The following DLGAP1 variants were observed in gnomAD, a reference collection of about 807,000 sequenced individuals.
DLGAP1 encodes disks large-associated protein 1.
In DLGAP1, 11 loss-of-function variants were observed where a neutral mutation model predicts 90.8. The ratio of observed to expected loss-of-function variants is 0.12; its 90% CI spans 0.08 to 0.20. The LOEUF is 0.20. DLGAP1 is among the 10% of genes least tolerant of loss of function. The pLI is 1.00. For synonymous variants in DLGAP1, 558 were observed against 540.7 expected (o/e 1.03, Z -0.44); for missense variants, 1,050 against 1,333.8 (o/e 0.79, Z 3.31).
intron 1 of DLGAP1, among the ~76,000 whole-genome samples, chr18:4,409,274 TTTTA>T (rs2082727100): frequency 6.6e-6 from 1 of 152,170 alleles, no homozygotes; most frequent in African/African-American, 2.4e-5. Context: ...CAGTTAATTT[TTTTA>T]TTTATTTCCC....
rs189436423 is a variant in DLGAP1 at position 4,227,775 on chromosome 18, A to T, written c.-266-76488T>A. Among the ~76,000 whole-genome samples the T allele has an allele frequency of 2.0e-4, 31 of 151,832 alleles. 1 individual carries two copies. The East Asian group carries it at 6.0e-3, about 29-fold the overall frequency. ...AAACTTCAAATAAAAAAAAAAACTA[A>T]TGGTGCATCTTAAAGAATCAGACAA... is the stretch of plus-strand genomic sequence containing the variant. On this transcript the variant is annotated intron_variant, in intron 1 of 12. Transcript: ENST00000315677.
chr18:3,801,934 T>A (rs2066313968), intron 5 of DLGAP1, among the ~76,000 whole-genome samples: 1 of 152,136 alleles, frequency 6.6e-6, no homozygotes, highest in Non-Finnish European at 1.5e-5. Context: ...TGTAATTGGC[T>A]TTTTGACTCC....
intron 1 of DLGAP1, among the ~76,000 whole-genome samples, chr18:4,351,774 G>T (rs561365741): frequency 8.0e-4 from 122 of 152,250 alleles, no homozygotes; most frequent in African/African-American, 2.3e-3. Flanking sequence ...ATTAATCAAA[G>T]ACATACTAGG....
chr18:3,936,154 T>C (rs1372519342), intron 3 of DLGAP1, among the ~76,000 whole-genome samples: 1 of 152,174 alleles, frequency 6.6e-6, no homozygotes, highest in Non-Finnish European at 1.5e-5. Context: ...TACTACTCTT[T>C]CTTTGCAAGC....
intron 7 of DLGAP1, among the ~76,000 whole-genome samples, chr18:3,645,851 T>C: frequency 6.6e-6 from 1 of 152,190 alleles, no homozygotes; most frequent in East Asian, 1.9e-4. Flanking sequence ...TTATTAACTT[T>C]ATTCATGAGT....
intron 2 of DLGAP1, among the ~76,000 whole-genome samples, chr18:4,092,168 G>C (rs1395691925): frequency 6.6e-6 from 1 of 152,060 alleles, no homozygotes; most frequent in Non-Finnish European, 1.5e-5. Flanking sequence ...ATCAAAGGGC[G>C]TGTCTCAATG....
At chr18:3,531,797 T>TA (rs941314658) in intron 10 of DLGAP1, among the ~76,000 whole-genome samples, 10 of 152,020 alleles carry the variant, frequency 6.6e-5, no homozygotes, top group Admixed American at 1.3e-4. Context: ...ATTATACATA[T>TA]AAAAAATGTT....
chr18:4,151,498 A>G (rs1463315154), intron 1 of DLGAP1, among the ~76,000 whole-genome samples: 2 of 152,240 alleles, frequency 1.3e-5, no homozygotes, highest in Admixed American at 1.3e-4. Context: ...TCACCCAGAA[A>G]AAAAACAATG....
chr18:3,576,693 T>C (rs62084018), intron 8 of DLGAP1, among the ~76,000 whole-genome samples: 42,264 of 150,622 alleles, frequency 0.28, 7,298 homozygotes, highest in Non-Finnish European at 0.38. Flanking sequence ...GCCTCCCGAG[T>C]AGCTGGAATT....
chr18:4,194,272 C>A (rs558479655), intron 1 of DLGAP1, among the ~76,000 whole-genome samples: 1 of 152,198 alleles, frequency 6.6e-6, no homozygotes, highest in South Asian at 2.1e-4. Flanking sequence ...GGTTTCTGTT[C>A]CTGCGTTAAT....
intron 7 of DLGAP1, among the ~76,000 whole-genome samples, chr18:3,606,322 A>G (rs1427941137): frequency 6.6e-6 from 1 of 152,152 alleles, no homozygotes; most frequent in Non-Finnish European, 1.5e-5. Flanking sequence ...CCCTGCCAGA[A>G]CCACACTAAA....
intron 1 of DLGAP1, among the ~76,000 whole-genome samples, chr18:4,221,784 A>G (rs1004177205): frequency 6.6e-6 from 1 of 152,072 alleles, no homozygotes; most frequent in Non-Finnish European, 1.5e-5. Context: ...CCTCCCCATT[A>G]CTACTCAACC....
At chr18:4,182,179 G>C (rs959574625) in intron 1 of DLGAP1, among the ~76,000 whole-genome samples, 1 of 152,118 alleles carries the variant, frequency 6.6e-6, no homozygotes, top group African/African-American at 2.4e-5. Context: ...ACCAGAATAC[G>C]CTACACCCAA....
intron 1 of DLGAP1, among the ~76,000 whole-genome samples, chr18:4,178,367 ATTTTTT>A (rs199595227): frequency 6.6e-6 from 1 of 151,146 alleles, no homozygotes; most frequent in East Asian, 1.9e-4. Context: ...ACCACTATAT[ATTTTTT>A]TTTATCTCTG....
At chr18:4,255,145 G>C (rs777083517) in intron 1 of DLGAP1, among the ~76,000 whole-genome samples, 1 of 152,268 alleles carries the variant, frequency 6.6e-6, no homozygotes. Context: ...ATTTAGACTT[G>C]ATGCATTATG....
chr18:4,441,084 G>A (rs1159610480), intron 1 of DLGAP1, among the ~76,000 whole-genome samples: 1 of 152,184 alleles, frequency 6.6e-6, no homozygotes, highest in Non-Finnish European at 1.5e-5. Context: ...TGCTATTAAA[G>A]TTCTTGTCTG....
In DLGAP1 at chr18:4,225,477, C is replaced by T. The variant is rs1243727916; in HGVS notation, c.-266-74190G>A. Among the ~76,000 whole-genome samples, 7 of 152,076 alleles carry T rather than the reference C, an allele frequency of 4.6e-5. No homozygotes were observed. In the East Asian group the frequency reaches 1.2e-3, roughly 25 times the overall value. On this transcript the variant is annotated intron_variant, in intron 1 of 12. Transcript: ENST00000315677. Reference sequence around the variant, plus strand: ...CTAAATATGGCACCAGGGACCAATCCTGGAAAGACAGAGATATAGGACCTT... The same window carrying T: ...CTAAATATGGCACCAGGGACCAATCTTGGAAAGACAGAGATATAGGACCTT...
chr18:4,376,648 C>T (rs537527279), intron 1 of DLGAP1, among the ~76,000 whole-genome samples: 4 of 152,282 alleles, frequency 2.6e-5, no homozygotes, highest in African/African-American at 9.6e-5. Context: ...AACTGGCCTT[C>T]AGTCTTAAAA....
intron 2 of DLGAP1, among the ~76,000 whole-genome samples, chr18:4,023,983 C>T (rs1035965662): frequency 3.3e-5 from 5 of 151,976 alleles, no homozygotes; most frequent in African/African-American, 4.8e-5. Flanking sequence ...ATGTATTTTT[C>T]TTCCCCTCTC....
Sources: gnomAD v4.1 joint callset for allele counts (sites outside exome capture counted in the v4.1 genomes callset) on GRCh38, gnomAD v4.1.1 for gene constraint, MANE v1.5 for transcripts, NCBI Gene and HGNC (gene_info 2026-07-23, HGNC 2026-07-21) for gene names.